Variants in NKAIN3 observed in about 807,000 individuals in gnomAD.
NKAIN3 encodes sodium/potassium transporting ATPase interacting 3.
A neutral mutation model predicts 30.2 loss-of-function variants in NKAIN3; 25 were observed. That is an observed-to-expected ratio of 0.83 (90% CI 0.60 to 1.16). The LOEUF (loss-of-function observed/expected upper bound fraction) is 1.16, where lower values mean the gene tolerates loss of function less well. Ranked by LOEUF, NKAIN3 falls within the 50% of genes most tolerant of loss-of-function variation. The pLI is 0.00. For missense variants in NKAIN3, 225 were observed against 254.1 expected (o/e 0.89, Z 0.78); for synonymous variants, 91 against 89.6 (o/e 1.02, Z -0.09).
At chr8:62,715,578 G>A (rs1814869630) in intron 3 of NKAIN3, among the ~76,000 whole-genome samples, 1 of 152,174 alleles carries the variant, frequency 6.6e-6, no homozygotes, top group East Asian at 1.9e-4. Context: ...TATTATCTAT[G>A]CTGTCGGTGT....
chr8:62,248,974 C>G lies in NKAIN3; in HGVS notation c.-100C>G. The G allele has an allele frequency of 8.6e-7, 1 of 1,158,978 alleles. No individual in the cohort carries two copies. Among genetic ancestry groups the G allele is most frequent in the Admixed American group, 2.3e-5 (1 of 44,174 alleles). The allele number at this position is 1,158,978 out of a possible 1,614,324, so 71.8% of individuals were successfully genotyped here. On this transcript the variant is annotated 5_prime_UTR_variant, in exon 1 of 7. Transcript: ENST00000623646. ...AGCGGCGGCCGCGGGGCCGAGGAGC[C>G]TGGGCCGGGCCGGGCGGGGACTACT...
At chr8:62,500,055 T>C (rs915388903) in intron 1 of NKAIN3, among the ~76,000 whole-genome samples, 2 of 152,152 alleles carry the variant, frequency 1.3e-5, no homozygotes, top group African/African-American at 4.8e-5. Flanking sequence ...GAAATGGGTC[T>C]GAGCATGAGT....
intron 1 of NKAIN3, among the ~76,000 whole-genome samples, chr8:62,341,348 G>T (rs1815738871): frequency 6.6e-6 from 1 of 152,050 alleles, no homozygotes; most frequent in African/African-American, 2.4e-5. Flanking sequence ...TGGCATCTGA[G>T]CTTGGATGAC....
chr8:62,855,259 AG>A, intron 4 of NKAIN3: 2 of 461,938 alleles, frequency 4.3e-6, no homozygotes, highest in South Asian at 4.4e-5. Flanking sequence ...AAGGCCTGCC[AG>A]CCTGGCCACA....
At chr8:62,830,183 C>T (rs1415878397) in intron 4 of NKAIN3, among the ~76,000 whole-genome samples, 1 of 152,088 alleles carries the variant, frequency 6.6e-6, no homozygotes, top group African/African-American at 2.4e-5. Flanking sequence ...TTTCAGAAAC[C>T]TATATTTTCT....
At chr8:62,624,702 T>TTATCTTTTTCTGCTCCTC (rs1410106391) in intron 3 of NKAIN3, among the ~76,000 whole-genome samples, 5 of 151,890 alleles carry the variant, frequency 3.3e-5, no homozygotes, top group African/African-American at 1.2e-4. Flanking sequence ...TTCTGCTCCT[T>TTATCTTTTTCTGCTCCTC]TCTCTTTTTC....
In NKAIN3 at chr8:62,971,691, A is replaced by G. The variant is rs913856349; in HGVS notation, c.*6284A>G. Among the ~76,000 whole-genome samples the G allele has an allele frequency of 5.3e-5, 8 of 152,164 alleles. No homozygotes were observed. The highest frequency in any genetic ancestry group is 8.8e-5 in the Non-Finnish European group (6 of 68,046). ...AAGAAGGAAAAATATTTATAAAATCATACTTAGCAGTTTCAATCACACAGT... is the reference window on the plus strand; with the variant it reads ...AAGAAGGAAAAATATTTATAAAATCGTACTTAGCAGTTTCAATCACACAGT... On this transcript the variant is annotated 3_prime_UTR_variant, in exon 7 of 7. Transcript: ENST00000623646.
intron 1 of NKAIN3, among the ~76,000 whole-genome samples, chr8:62,493,538 A>G (rs1194513287): frequency 6.6e-6 from 1 of 151,806 alleles, no homozygotes; most frequent in Non-Finnish European, 1.5e-5. Context: ...AATTTTTAAA[A>G]TTTTTTTCTA....
At chr8:62,802,903 T>C (rs1260436710) in intron 4 of NKAIN3, among the ~76,000 whole-genome samples, 1 of 151,908 alleles carries the variant, frequency 6.6e-6, no homozygotes, top group Non-Finnish European at 1.5e-5. Flanking sequence ...AGGCTCAAAA[T>C]AAAAGTATGG....
intron 2 of NKAIN3, among the ~76,000 whole-genome samples, chr8:62,587,789 G>A (rs1810526157): frequency 6.6e-6 from 1 of 151,996 alleles, no homozygotes; most frequent in East Asian, 1.9e-4. Flanking sequence ...AAAAACGTAG[G>A]AACTGACAGT....
intron 1 of NKAIN3, among the ~76,000 whole-genome samples, chr8:62,329,240 G>A (rs1815252985): frequency 6.6e-6 from 1 of 151,888 alleles, no homozygotes; most frequent in Non-Finnish European, 1.5e-5. Flanking sequence ...GAAACTGTGA[G>A]AAAATAAGTG....
At chr8:62,283,405 G>A (rs928208912) in intron 1 of NKAIN3, among the ~76,000 whole-genome samples, 1 of 152,092 alleles carries the variant, frequency 6.6e-6, no homozygotes, top group Non-Finnish European at 1.5e-5. Flanking sequence ...AAGGGTCATG[G>A]ATAACAAGCA....
At chr8:62,690,168 G>A (rs1378930041) in intron 3 of NKAIN3, among the ~76,000 whole-genome samples, 2 of 152,006 alleles carry the variant, frequency 1.3e-5, no homozygotes, top group African/African-American at 4.8e-5. Context: ...TCAGGCACCA[G>A]TCCCGGAGTT....
intron 3 of NKAIN3, among the ~76,000 whole-genome samples, chr8:62,731,272 CA>C (rs1284495360): frequency 1.8e-3 from 272 of 149,880 alleles, no homozygotes; most frequent in East Asian, 2.9e-3. Flanking sequence ...CACACACACA[CA>C]CCCTTCCTTC....
intron 3 of NKAIN3, among the ~76,000 whole-genome samples, chr8:62,662,521 T>G (rs1812977887): frequency 6.6e-6 from 1 of 152,208 alleles, no homozygotes; most frequent in Non-Finnish European, 1.5e-5. Flanking sequence ...ACTAGAATCA[T>G]CGTATCCCCC....
At chr8:62,426,195 C>A (rs1206213428) in intron 1 of NKAIN3, among the ~76,000 whole-genome samples, 2 of 151,904 alleles carry the variant, frequency 1.3e-5, no homozygotes. Context: ...ACAGGGAAAT[C>A]TACCATTGGT....
chr8:62,810,586 A>T (rs575511547), intron 4 of NKAIN3, among the ~76,000 whole-genome samples: 2 of 143,918 alleles, frequency 1.4e-5, no homozygotes, highest in South Asian at 4.4e-4. Flanking sequence ...CAATCTTTTT[A>T]TGTTTTATTT....
At chr8:62,491,564 G>A (rs565616360) in intron 1 of NKAIN3, among the ~76,000 whole-genome samples, 3 of 152,092 alleles carry the variant, frequency 2.0e-5, no homozygotes, top group Non-Finnish European at 4.4e-5. Flanking sequence ...ACCTCTGAGG[G>A]GTTAATGACA....
chr8:62,650,643 A>G (rs1296581899), intron 3 of NKAIN3, among the ~76,000 whole-genome samples: 1 of 152,176 alleles, frequency 6.6e-6, no homozygotes, highest in Non-Finnish European at 1.5e-5. Context: ...ATATACCAAT[A>G]TACAGCATGT....
Sources: allele counts gnomAD v4.1 joint callset (sites outside exome capture counted in the v4.1 genomes callset), GRCh38; gene constraint gnomAD v4.1.1; transcripts MANE v1.5; gene names NCBI Gene and HGNC (gene_info 2026-07-23, HGNC 2026-07-21).